The following KDM6A variants were observed in gnomAD, a reference collection of about 807,000 sequenced individuals.
KDM6A encodes the protein lysine-specific demethylase 6A.
Under a neutral mutation model 117.6 loss-of-function variants are expected in KDM6A, and 11 were observed. The observed-to-expected ratio is 0.09, with a 90% CI of 0.06 to 0.15. KDM6A has a LOEUF of 0.15. Ranked by LOEUF, KDM6A falls within the 10% of genes least tolerant of loss-of-function variation. KDM6A has a pLI of 1.00. For missense variants in KDM6A, 799 were observed against 1,077.3 expected (o/e 0.74, Z 3.62); for synonymous variants, 384 against 396.1 (o/e 0.97, Z 0.36).
At chrX:44,975,794 G>A (rs12389717) in intron 4 of KDM6A, among the ~76,000 whole-genome samples, 13,184 of 111,549 alleles carry the variant, frequency 0.12, 907 homozygotes, top group African/African-American at 0.26. Context: ...CAGCCCACAG[G>A]TGTTTACACC....
Position 45,085,913 on chromosome X carries a change from C to G in KDM6A, c.3638C>G (p.Pro1213Arg), listed in dbSNP as rs1222531792. The G allele has an allele frequency of 8.3e-7, 1 of 1,206,002 alleles. No homozygotes were observed. Among genetic ancestry groups the G allele is most frequent in the Non-Finnish European group, 1.1e-6 (1 of 890,442 alleles). Residue 1213 changes from proline (P) to arginine (R), a missense_variant, in exon 25 of 30, where the codon CCA becomes CGA. Pro to Arg is a moderately radical substitution (Grantham distance 103, BLOSUM62 -2). Transcript: ENST00000611820. The part of the protein sequence containing the change: ...NFCSVNINIG[P>R]GDCEWFVVPE... ...TGTTCAGTTAACATAAATATTGGCC[C>G]AGGTGACTGTGAATGGTTTGTTGTT...
At chrX:45,058,921 T>C (rs578101303) in intron 10 of KDM6A, 85 bp from the exon 11 acceptor site, 46 of 855,427 alleles carry the variant, frequency 5.4e-5, no homozygotes, top group South Asian at 1.7e-4. Flanking sequence ...TGCTGTGATA[T>C]ATAGTCCATC....
chrX:44,999,816 T>A (rs1013530527), intron 4 of KDM6A, among the ~76,000 whole-genome samples: 1 of 111,638 alleles, frequency 9.0e-6, no homozygotes, highest in African/African-American at 3.3e-5. Flanking sequence ...TATGAGCCTC[T>A]GCATCAACCT....
chrX:44,954,068 A>AAT (rs2038178188), intron 2 of KDM6A, among the ~76,000 whole-genome samples: 1 of 109,731 alleles, frequency 9.1e-6, no homozygotes, highest in South Asian at 3.9e-4. Flanking sequence ...AAAAAAAAAA[A>AAT]AATAATAATA....
At position 45,079,257 on chromosome X, in the gene KDM6A, C is replaced by G. The variant is rs754171997; in HGVS notation, c.3206C>G (p.Thr1069Arg). ...PADENWDPTG[T>R]KKIWHCESNR... is the part of the protein sequence containing the mutation. ...GATGAAAACTGGGATCCCACTGGAA[C>G]AAAGAAAATCTGGCATTGTGAAAGT... The change falls in exon 21 of 30, where the codon ACA becomes AGA. Residue 1069 changes from threonine to arginine, a missense_variant. Physicochemically the swap from Thr to Arg is moderately conservative, Grantham distance 71. Coordinates refer to ENST00000611820, the MANE Select transcript of KDM6A (RefSeq NM_001291415.2). 1 of 1,206,186 alleles carries G rather than the reference C, an allele frequency of 8.3e-7. No individual in the cohort carries two copies. The highest frequency in any genetic ancestry group is 1.8e-5 in the South Asian group (1 of 56,852).
chrX:45,069,867 C>G lies in KDM6A; in HGVS notation c.2368C>G (p.Pro790Ala), dbSNP rs764815708. ...AACAAGCAGGCACACTGGAGAGACA[C>G]CTAACAGCACTGCCAGTGTCGAGGG... is the stretch of plus-strand genomic sequence containing the variant. ...PETSRHTGET[P>A]NSTASVEGLP... is the part of the protein sequence containing the mutation. Residue 790 changes from proline to alanine, a missense_variant, in exon 18 of 30, where the codon CCT (proline) becomes GCT (alanine). By Grantham distance (27) the Pro-to-Ala change is conservative. Transcript: ENST00000611820. 8.3e-7 allele frequency: 1 copy of G among 1,211,424 alleles called. No homozygotes were observed. The highest frequency in any genetic ancestry group is 1.7e-5 in the African/African-American group (1 of 57,808).
At chrX:44,925,343 A>G (rs1170314718) in intron 2 of KDM6A, among the ~76,000 whole-genome samples, 1 of 111,273 alleles carries the variant, frequency 9.0e-6, no homozygotes, top group Non-Finnish European at 1.9e-5. Context: ...GTAAGCTGGA[A>G]TAGTAGTAGG....
intron 17 of KDM6A, among the ~76,000 whole-genome samples, chrX:45,064,893 A>G (rs372244598): frequency 8.9e-6 from 1 of 112,043 alleles, no homozygotes; most frequent in African/African-American, 3.2e-5. Context: ...CTGAGTACCT[A>G]CTAGGTTCAT....
At chrX:45,016,455 A>AT (rs2041966384) in intron 5 of KDM6A, among the ~76,000 whole-genome samples, 1 of 66,326 alleles carries the variant, frequency 1.5e-5, no homozygotes, top group Non-Finnish European at 2.6e-5. Context: ...ATTTTATTTT[A>AT]TGTATGTATG....
intron 6 of KDM6A, among the ~76,000 whole-genome samples, chrX:45,025,053 G>T (rs2042312539): frequency 8.9e-6 from 1 of 112,386 alleles, no homozygotes; most frequent in Admixed American, 9.4e-5. Flanking sequence ...AATATTATCT[G>T]AACCAGAGTC....
intron 17 of KDM6A, among the ~76,000 whole-genome samples, chrX:45,067,644 C>CTTTTTTTTTTTTTTTTTTTTTTTTT (rs1267780901): frequency 1.1e-5 from 1 of 90,088 alleles, no homozygotes; most frequent in Non-Finnish European, 2.0e-5. Context: ...TGGTGTGTAT[C>CTTTTTTTTTTTTTTTTTTTTTTTTT]TTTTTTTTGT....
chrX:44,906,684 T>TAG (rs775337999), intron 2 of KDM6A, among the ~76,000 whole-genome samples: 2 of 109,836 alleles, frequency 1.8e-5, no homozygotes, highest in African/African-American at 6.6e-5. Flanking sequence ...TGTGTGTATA[T>TAG]AGAGAGAGAG....
rs1263295255 is a variant in KDM6A at position 45,112,126 on chromosome X, T to C, written c.*715T>C. The C allele has an allele frequency of 6.1e-6, 1 of 163,726 alleles. No homozygotes were observed. The allele number at this position is 163,726 out of a possible 1,213,427, so 13.5% of individuals were successfully genotyped here. On this transcript the variant is annotated 3_prime_UTR_variant, in exon 30 of 30. Coordinates refer to ENST00000611820, the MANE Select transcript of KDM6A (RefSeq NM_001291415.2). Reference sequence around the variant, plus strand: ...GGAATGCTGTTATTTTTTCCAGATTTACCTGCCATTGAAATTTTAAGGAGT... The same window carrying C: ...GGAATGCTGTTATTTTTTCCAGATTCACCTGCCATTGAAATTTTAAGGAGT...
chrX:45,089,091 G>A (rs1185398930), intron 25 of KDM6A, among the ~76,000 whole-genome samples: 1 of 111,771 alleles, frequency 8.9e-6, no homozygotes, highest in Non-Finnish European at 1.9e-5. Context: ...TACCTTTTAG[G>A]GATTTCTAGG....
intron 5 of KDM6A, among the ~76,000 whole-genome samples, chrX:45,017,799 G>C (rs1277950517): frequency 4.5e-5 from 5 of 111,762 alleles, no homozygotes; most frequent in African/African-American, 1.6e-4. Context: ...AAAAACTGGA[G>C]ACAGCACACT....
intron 4 of KDM6A, among the ~76,000 whole-genome samples, chrX:44,975,933 G>A (rs2039598150): frequency 8.9e-6 from 1 of 112,374 alleles, no homozygotes; most frequent in South Asian, 3.7e-4. Context: ...ATACAGGGGA[G>A]GATCCTGGCC....
intron 5 of KDM6A, among the ~76,000 whole-genome samples, chrX:45,016,128 TAACATTTCCCTGAA>T (rs1488278570): frequency 1.8e-5 from 2 of 111,765 alleles, no homozygotes; most frequent in Non-Finnish European, 3.8e-5. Context: ...CACAGTGTAT[TAACATTTCCCTGAA>T]AACATCTTAA....
At chrX:44,924,571 G>T (rs753233984) in intron 2 of KDM6A, among the ~76,000 whole-genome samples, 2 of 110,656 alleles carry the variant, frequency 1.8e-5, no homozygotes, top group Non-Finnish European at 3.8e-5. Flanking sequence ...TTTCCACTTT[G>T]ACTTGTGGGA....
chrX:45,050,294 C>T (rs1056047021), intron 8 of KDM6A, among the ~76,000 whole-genome samples: 1 of 112,514 alleles, frequency 8.9e-6, no homozygotes, highest in Non-Finnish European at 1.9e-5. Context: ...GAACTGAGAT[C>T]GTGCCATTGC....
Sources: gnomAD v4.1 joint callset for allele counts (sites outside exome capture counted in the v4.1 genomes callset) on GRCh38, gnomAD v4.1.1 for gene constraint, MANE v1.5 for transcripts, NCBI Gene and HGNC (gene_info 2026-07-23, HGNC 2026-07-21) for gene names.